Variants in CDH12 observed in about 807,000 individuals in gnomAD.
CDH12 encodes the protein cadherin-12.
Under a neutral mutation model 74.1 loss-of-function variants are expected in CDH12, and 41 were observed. That is an observed-to-expected ratio of 0.55 (90% CI 0.43 to 0.72). The LOEUF (loss-of-function observed/expected upper bound fraction) is 0.72, where lower values mean the gene tolerates loss of function less well. CDH12 is among the 30% of genes least tolerant of loss of function. CDH12 has a pLI of 0.00. For synonymous variants in CDH12, 399 were observed against 355.0 expected, an observed-to-expected ratio of 1.12 and a Z score of -1.39; for missense variants, 945 against 977.2, an observed-to-expected ratio of 0.97 and a Z score of 0.44.
At chr5:22,466,445 G>A (rs1745732499) in intron 2 of CDH12, among the ~76,000 whole-genome samples, 1 of 152,132 alleles carries the variant, frequency 6.6e-6, no homozygotes, top group Non-Finnish European at 1.5e-5. Flanking sequence ...TGTATGATTG[G>A]GTTTGGGTTT....
rs188509703 is a variant in CDH12 at position 22,697,686 on chromosome 5, T to C, written c.-523+155372A>G. ...CCAAATACTTTGGCAAAGCACATTGTTATGGACTAAATTGTGTCCCCTTAA... is the reference window on the plus strand; with the variant it reads ...CCAAATACTTTGGCAAAGCACATTGCTATGGACTAAATTGTGTCCCCTTAA... On this transcript the variant is annotated intron_variant, in intron 1 of 14. Coordinates refer to ENST00000382254, the MANE Select transcript of CDH12 (RefSeq NM_004061.5). Among the ~76,000 whole-genome samples the C allele has an allele frequency of 3.1e-3, 467 of 152,334 alleles. 3 individuals carry two copies. Among genetic ancestry groups the C allele is most frequent in the South Asian group, 5.0e-3 (24 of 4,828 alleles).
intron 5 of CDH12, 58 bp from the exon 6 acceptor site, chr5:21,975,443 C>T: frequency 8.1e-7 from 1 of 1,227,792 alleles, no homozygotes; most frequent in Non-Finnish European, 1.1e-6. Context: ...AGAAAGAACA[C>T]CATTAAAAGG....
chr5:22,126,760 T>C (rs1745893344), intron 4 of CDH12, among the ~76,000 whole-genome samples: 1 of 152,166 alleles, frequency 6.6e-6, no homozygotes, highest in South Asian at 2.1e-4. Context: ...CTCCAGCCAC[T>C]TGCAGAAATG....
intron 8 of CDH12, among the ~76,000 whole-genome samples, chr5:21,823,595 G>A (rs1391734221): frequency 6.6e-6 from 1 of 151,862 alleles, no homozygotes; most frequent in East Asian, 1.9e-4. Flanking sequence ...AACTTTGAAT[G>A]CCCCTTCAAA....
chr5:22,239,797 T>C (rs779795577), intron 3 of CDH12, among the ~76,000 whole-genome samples: 1 of 152,274 alleles, frequency 6.6e-6, no homozygotes, highest in African/African-American at 2.4e-5. Flanking sequence ...GTTGAGCTAG[T>C]TGGTATAAGA....
intron 5 of CDH12, among the ~76,000 whole-genome samples, chr5:21,987,740 A>C (rs1413674407): frequency 6.6e-6 from 1 of 151,096 alleles, no homozygotes; most frequent in Non-Finnish European, 1.5e-5. Context: ...TTTGCCATCT[A>C]AGTATATTGA....
At chr5:22,135,538 T>C (rs1210168836) in intron 4 of CDH12, among the ~76,000 whole-genome samples, 1 of 152,022 alleles carries the variant, frequency 6.6e-6, no homozygotes, top group African/African-American at 2.4e-5. Context: ...GAAGTCAAAA[T>C]AGAAATGTAA....
Position 21,802,316 on chromosome 5 carries a change from A to G in CDH12, c.1107T>C (p.Ala369=), listed in dbSNP as rs2149923318. 6.2e-7 allele frequency: 1 copy of G among 1,613,838 alleles called. No homozygotes were observed. Among genetic ancestry groups the G allele is most frequent in the Non-Finnish European group, 8.5e-7 (1 of 1,179,938 alleles). ...CGTCCAGCACGCTGATCTTCACCGT[A>G]GCTGTGTCTTTGAAAGGGCCCGCCG... The part of the protein sequence containing the change: ...FHSAGPFKDT[A]TVKISVLDVD... Residue 369 remains alanine (A), a synonymous_variant, in exon 10 of 15, where the codon GCT becomes GCC. Transcript: ENST00000382254.
intron 2 of CDH12, among the ~76,000 whole-genome samples, chr5:22,464,883 T>A (rs1745661953): frequency 6.6e-6 from 1 of 151,976 alleles, no homozygotes; most frequent in African/African-American, 2.4e-5. Context: ...GAGCCTGTAA[T>A]CCCAGCTACT....
intron 1 of CDH12, among the ~76,000 whole-genome samples, chr5:22,811,356 A>G (rs1211730190): frequency 6.6e-6 from 1 of 152,140 alleles, no homozygotes; most frequent in Admixed American, 6.5e-5. Context: ...GATGCCCTGT[A>G]TGGGGATTGT....
intron 5 of CDH12, among the ~76,000 whole-genome samples, chr5:22,041,216 A>T (rs1015085608): frequency 1.3e-5 from 2 of 152,076 alleles, no homozygotes; most frequent in Non-Finnish European, 2.9e-5. Context: ...AAAGAATTAA[A>T]ACTTACACTA....
chr5:22,076,144 G>A lies in CDH12; in HGVS notation c.231+2302C>T, dbSNP rs962982676. The stretch of plus-strand genomic sequence containing the variant: ...TGAGTGTTCATTATCCATTATCAAT[G>A]TGGAGCCCTGTACCAGCGGAAATAA... On this transcript the variant is annotated intron_variant, in intron 5 of 14. Transcript: ENST00000382254. Among the ~76,000 whole-genome samples, 8 of 152,062 alleles carry A rather than the reference G, an allele frequency of 5.3e-5. No homozygotes were observed. The East Asian group carries it at 1.5e-3, about 29-fold the overall frequency.
At chr5:21,817,902 CT>C in intron 8 of CDH12, among the ~76,000 whole-genome samples, 1 of 151,860 alleles carries the variant, frequency 6.6e-6, no homozygotes, top group African/African-American at 2.4e-5. Flanking sequence ...ATCAGCAAAA[CT>C]TAGATAAAAC....
intron 10 of CDH12, among the ~76,000 whole-genome samples, chr5:21,795,684 G>T (rs1746741176): frequency 2.0e-5 from 3 of 151,826 alleles, no homozygotes; most frequent in African/African-American, 7.2e-5. Context: ...AGAGAGCATG[G>T]GCATTTTTTC....
At chr5:22,845,259 T>G (rs1214422823) in intron 1 of CDH12, among the ~76,000 whole-genome samples, 2 of 152,154 alleles carry the variant, frequency 1.3e-5, no homozygotes, top group Non-Finnish European at 2.9e-5. Flanking sequence ...CTAACACTAA[T>G]AACATCACCA....
chr5:22,212,328 C>T, intron 4 of CDH12, 170 bp downstream of exon 4: 1 of 167,114 alleles, frequency 6.0e-6, no homozygotes, highest in Non-Finnish European at 1.2e-5. Context: ...AAGAAATTGC[C>T]CTGAGATATC....
At chr5:22,154,820 G>A in intron 4 of CDH12, among the ~76,000 whole-genome samples, 1 of 152,036 alleles carries the variant, frequency 6.6e-6, no homozygotes, top group Non-Finnish European at 1.5e-5. Context: ...CACAATTTCT[G>A]TTGGTCGGGA....
chr5:22,644,012 T>G (rs1739304585), intron 1 of CDH12, among the ~76,000 whole-genome samples: 1 of 152,058 alleles, frequency 6.6e-6, no homozygotes. Context: ...TAAATGTCTG[T>G]TCTCTGTCTG....
rs753144664 is a variant in CDH12 at position 21,783,446 on chromosome 5, A to C, written c.1305T>G (p.Asp435Glu). ...TAGTGGCGATGGTTCCTTCATTTCC[A>C]TCTATTGTAAAGTAGCTGTCCCCAT... ...KSDGDSYFTIDGNEGTIATNE... is the reference protein window; with the variant it reads ...KSDGDSYFTIEGNEGTIATNE... Residue 435 changes from aspartate (D) to glutamate (E), a missense_variant, in exon 11 of 15, where the codon GAT (aspartate) becomes GAG (glutamate). Physicochemically the swap from Asp to Glu is conservative, Grantham distance 45. Around this residue, in one of 3 missense-constraint regions of CDH12, gnomAD observed 791 missense variants for 792.8 expected, o/e 1.00. Coordinates refer to ENST00000382254, the MANE Select transcript of CDH12 (RefSeq NM_004061.5). 6.2e-7 allele frequency: 1 copy of C among 1,607,490 alleles called. No homozygotes were observed. The highest frequency in any genetic ancestry group is 8.5e-7 in the Non-Finnish European group (1 of 1,174,012).
Sources: allele counts gnomAD v4.1 joint callset (sites outside exome capture counted in the v4.1 genomes callset), GRCh38; gene constraint gnomAD v4.1.1; regional missense constraint gnomAD v4.1.1; transcripts MANE v1.5; gene names NCBI Gene and HGNC (gene_info 2026-07-23, HGNC 2026-07-21).